CA10: variants seen among roughly 807,000 people sequenced by gnomAD.
CA10 encodes the protein carbonic anhydrase-related protein 10.
In CA10, 14 loss-of-function variants were observed where a neutral mutation model predicts 44.2. The observed-to-expected ratio is 0.32, with a 90% CI of 0.21 to 0.50. The LOEUF is 0.50. CA10 is among the 20% of genes least tolerant of loss of function. The probability of loss-of-function intolerance (pLI) is 0.99; values close to 1 mark genes in which losing one functional copy is unlikely to be tolerated. For synonymous variants in CA10, 159 were observed against 141.6 expected, an observed-to-expected ratio of 1.12 and a Z score of -0.87; for missense variants, 350 against 409.7, an observed-to-expected ratio of 0.85 and a Z score of 1.26.
At chr17:51,683,636 C>A (rs1215245827) in intron 4 of CA10, among the ~76,000 whole-genome samples, 1 of 152,072 alleles carries the variant, frequency 6.6e-6, no homozygotes, top group South Asian at 2.1e-4. Context: ...CTTCAGACAG[C>A]GTGGATGATG....
At chr17:51,998,987 A>G (rs143105840) in intron 2 of CA10, among the ~76,000 whole-genome samples, 1 of 152,180 alleles carries the variant, frequency 6.6e-6, no homozygotes, top group East Asian at 1.9e-4. Flanking sequence ...ATGGGAATTA[A>G]TGGAGTGAAT....
At chr17:52,070,464 C>T (rs1056513738) in intron 2 of CA10, 2 of 152,142 alleles carry the variant, frequency 1.3e-5, no homozygotes, top group African/African-American at 4.8e-5. Flanking sequence ...TAGTCCTTAT[C>T]TCCATTTTAC....
At chr17:51,882,989 T>C (rs1291018824) in intron 3 of CA10, among the ~76,000 whole-genome samples, 1 of 152,194 alleles carries the variant, frequency 6.6e-6, no homozygotes, top group African/African-American at 2.4e-5. Flanking sequence ...AAATTTTGTT[T>C]GTATGATAGA....
intron 2 of CA10, among the ~76,000 whole-genome samples, chr17:51,937,406 C>T (rs952600420): frequency 9.9e-5 from 15 of 152,162 alleles, no homozygotes; most frequent in African/African-American, 3.4e-4. Context: ...TGATTTATTT[C>T]ATAGATGGAA....
At chr17:51,803,789 G>T (rs116307779) in intron 3 of CA10, among the ~76,000 whole-genome samples, 1 of 152,202 alleles carries the variant, frequency 6.6e-6, no homozygotes, top group African/African-American at 2.4e-5. Flanking sequence ...CACTTTCACC[G>T]CAGTGAACCT....
chr17:52,012,958 T>C (rs1322991267), intron 2 of CA10, among the ~76,000 whole-genome samples: 2 of 151,912 alleles, frequency 1.3e-5, no homozygotes, highest in African/African-American at 4.8e-5. Context: ...AAAATGAAAA[T>C]ACCAATGTAG....
At chr17:52,095,088 C>G (rs1024977250) in intron 1 of CA10, among the ~76,000 whole-genome samples, 1 of 152,126 alleles carries the variant, frequency 6.6e-6, no homozygotes, top group African/African-American at 2.4e-5. Flanking sequence ...GACACCAGAA[C>G]AGAGAAACAC....
At chr17:52,014,052 C>A (rs1212513577) in intron 2 of CA10, among the ~76,000 whole-genome samples, 1 of 151,696 alleles carries the variant, frequency 6.6e-6, no homozygotes, top group Non-Finnish European at 1.5e-5. Flanking sequence ...GAAGTATGAC[C>A]AAATATACCA....
chr17:51,935,666 C>A (rs965837596), intron 2 of CA10, among the ~76,000 whole-genome samples: 6 of 152,172 alleles, frequency 3.9e-5, no homozygotes, highest in African/African-American at 9.6e-5. Flanking sequence ...GTTCTCTTGG[C>A]TCTGGGTCCA....
chr17:51,668,866 C>T (rs549743615), intron 4 of CA10, among the ~76,000 whole-genome samples: 195 of 152,302 alleles, frequency 1.3e-3, no homozygotes, highest in African/African-American at 4.2e-3. Context: ...ACACTTGGAG[C>T]GGCCGGCCGG....
At chr17:52,037,848 T>C (rs1986661420) in intron 2 of CA10, among the ~76,000 whole-genome samples, 1 of 152,134 alleles carries the variant, frequency 6.6e-6, no homozygotes. Context: ...AGGAAATAAT[T>C]CTCTCATACC....
chr17:51,824,820 G>A (rs1286771757), intron 3 of CA10, among the ~76,000 whole-genome samples: 1 of 152,176 alleles, frequency 6.6e-6, no homozygotes, highest in Non-Finnish European at 1.5e-5. Context: ...TTAAACTATG[G>A]TGGACTGATC....
At chr17:51,747,578 G>A (rs537006217) in intron 4 of CA10, 55 bp downstream of exon 4, 2 of 1,421,102 alleles carry the variant, frequency 1.4e-6, no homozygotes, top group South Asian at 2.8e-5. Flanking sequence ...ACACAAACAG[G>A]CACCCAATCT....
intron 3 of CA10, among the ~76,000 whole-genome samples, chr17:51,905,102 A>G (rs916775793): frequency 6.6e-6 from 1 of 152,168 alleles, no homozygotes; most frequent in Non-Finnish European, 1.5e-5. Context: ...AATTCTCTAT[A>G]TTCTCTTCAT....
In CA10 at chr17:51,711,801, A is replaced by G. The variant is rs529231798; in HGVS notation, c.465+35832T>C. ...AGATCAGCCTCTGATGCCCCTTGGCATGTATCTATTAGTCATGGGCCGTGG... is the reference window on the plus strand; with the variant it reads ...AGATCAGCCTCTGATGCCCCTTGGCGTGTATCTATTAGTCATGGGCCGTGG... On this transcript the variant is annotated intron_variant, in intron 4 of 8. Transcript: ENST00000451037. Among the ~76,000 whole-genome samples, 182 of 152,330 alleles carry G rather than the reference A, an allele frequency of 1.2e-3. 1 individual carries two copies. The highest frequency in any genetic ancestry group is 4.1e-3 in the African/African-American group (172 of 41,574).
chr17:51,836,643 C>T (rs1205754664), intron 3 of CA10, among the ~76,000 whole-genome samples: 1 of 152,202 alleles, frequency 6.6e-6, no homozygotes, highest in African/African-American at 2.4e-5. Flanking sequence ...TTCGCAAATG[C>T]TTAACATTTG....
intron 3 of CA10, among the ~76,000 whole-genome samples, chr17:51,895,815 A>G (rs56036831): frequency 0.055 from 8,427 of 152,152 alleles, 272 homozygotes; most frequent in African/African-American, 0.088. Flanking sequence ...CAGGAAAACA[A>G]TTTCTGATTT....
chr17:52,141,511 TG>T (rs1243470626), intron 1 of CA10, among the ~76,000 whole-genome samples: 1 of 152,224 alleles, frequency 6.6e-6, no homozygotes, highest in Non-Finnish European at 1.5e-5. Context: ...AATGTTTTTT[TG>T]TAAAGAGGCA....
chr17:51,989,503 G>A (rs1598154806), intron 2 of CA10, among the ~76,000 whole-genome samples: 1 of 152,124 alleles, frequency 6.6e-6, no homozygotes, highest in South Asian at 2.1e-4. Context: ...ACATGCATGA[G>A]TATGTTCATT....
Sources: gnomAD v4.1 joint callset for allele counts (sites outside exome capture counted in the v4.1 genomes callset) on GRCh38, gnomAD v4.1.1 for gene constraint, MANE v1.5 for transcripts, NCBI Gene and HGNC (gene_info 2026-07-23, HGNC 2026-07-21) for gene names.